Variants in ZNF440 observed in about 807,000 individuals in gnomAD.
ZNF440 encodes the protein zinc finger protein 440.
Under a neutral mutation model 49.7 loss-of-function variants are expected in ZNF440, and 47 were observed. The ratio of observed to expected loss-of-function variants is 0.95; its 90% CI spans 0.75 to 1.21. The LOEUF (loss-of-function observed/expected upper bound fraction) is 1.21, where lower values mean the gene tolerates loss of function less well. Among genes scored for constraint, ZNF440 ranks in the 50% most tolerant of loss-of-function variants. The pLI is 0.00. For synonymous variants in ZNF440, 255 were observed against 237.7 expected, an observed-to-expected ratio of 1.07 and a Z score of -0.67; for missense variants, 703 against 715.0, an observed-to-expected ratio of 0.98 and a Z score of 0.19.
At chr19:11,821,649 G>A (rs992272316) in intron 1 of ZNF440, among the ~76,000 whole-genome samples, 5 of 152,074 alleles carry the variant, frequency 3.3e-5, no homozygotes, top group Admixed American at 3.3e-4. Flanking sequence ...CAGGATGGGG[G>A]TGGAGAGATG....
intron 1 of ZNF440, among the ~76,000 whole-genome samples, chr19:11,821,776 A>C (rs1450411256): frequency 6.6e-6 from 1 of 152,204 alleles, no homozygotes; most frequent in Non-Finnish European, 1.5e-5. Context: ...TTGCAGCTTG[A>C]GTGTTTCAAA....
chr19:11,827,224 C>T (rs547518671), intron 1 of ZNF440, among the ~76,000 whole-genome samples: 11 of 151,670 alleles, frequency 7.3e-5, no homozygotes, highest in African/African-American at 2.4e-4. Context: ...CCACCAGGCC[C>T]GGCTAATTTT....
chr19:11,815,257 A>G (rs1163298626), intron 1 of ZNF440, among the ~76,000 whole-genome samples: 1 of 148,954 alleles, frequency 6.7e-6, no homozygotes, highest in African/African-American at 2.5e-5. Flanking sequence ...AGCCTGGGCA[A>G]CAGAGCGAGA....
chr19:11,814,812 A>C (rs564467360), intron 1 of ZNF440, among the ~76,000 whole-genome samples: 2 of 152,280 alleles, frequency 1.3e-5, no homozygotes, highest in South Asian at 4.1e-4. Flanking sequence ...AGCAAAGCAA[A>C]TTTATTTCTA....
At chr19:11,818,480 G>A (rs769121166) in intron 1 of ZNF440, among the ~76,000 whole-genome samples, 3 of 152,096 alleles carry the variant, frequency 2.0e-5, no homozygotes, top group Admixed American at 6.5e-5. Flanking sequence ...TTATATAGGC[G>A]AAAGGCAAAT....
chr19:11,815,970 C>A (rs2145113297), intron 1 of ZNF440: 1 of 152,304 alleles, frequency 6.6e-6, no homozygotes, highest in East Asian at 1.9e-4. Flanking sequence ...AAAAGCCAAG[C>A]TATGTAAAAT....
In ZNF440 at chr19:11,832,715, C is replaced by T. The variant is rs759971152; in HGVS notation, c.1539C>T (p.Ser513=). ...TGAAAGGACTCACACTGGAGAGAAG[C>T]CCTATAAATGCGAGCAATGTGGGAA... ...DIMKGLTLER[S]PINASNVGKP... The change falls in exon 4 of 4, where the codon AGC becomes AGT. Residue 513 remains serine, a synonymous_variant. Coordinates refer to ENST00000304060, the MANE Select transcript of ZNF440 (RefSeq NM_152357.3). The T allele has an allele frequency of 1.4e-5, 23 of 1,613,720 alleles. No individual in the cohort carries two copies. In the South Asian group the frequency reaches 2.3e-4, roughly 16 times the overall value.
At chr19:11,822,741 G>A (rs1402916923) in intron 1 of ZNF440, among the ~76,000 whole-genome samples, 1 of 151,512 alleles carries the variant, frequency 6.6e-6, no homozygotes, top group Non-Finnish European at 1.5e-5. Context: ...CAGCTACTCA[G>A]GAGGCTGAAA....
In ZNF440 at chr19:11,814,465, G is replaced by A. The variant is rs781214936; in HGVS notation, c.3+15G>A. 2.2e-5 allele frequency: 33 copies of A among 1,521,674 alleles called. No homozygotes were observed. Among genetic ancestry groups the A allele is most frequent in the East Asian group, 2.6e-5 (1 of 37,828 alleles). 94.3% of individuals were successfully genotyped at this position (1,521,674 alleles called of 1,614,324 possible). A position where few individuals can be genotyped will look rare whatever the true frequency, so the allele number is the denominator to read the frequency against. On this transcript the variant is annotated intron_variant, in intron 1 of 3. Transcript: ENST00000304060. ...GCCGAGAAATGGTGTGTGTGAGGGG[G>A]CTGGCGTCCGGGCGACTGGGAGAGG...
rs544566248 is a variant in ZNF440, at chr19:11,832,795, G to T, written c.1619G>T (p.Arg540Ile). 2 of 1,613,792 alleles carry T rather than the reference G, an allele frequency of 1.2e-6. No homozygotes were observed. The highest frequency in any genetic ancestry group is 2.7e-5 in the African/African-American group (2 of 75,004). ...FECMVGLTLK[R>I]NPMSVSNDGK... Reference sequence around the variant, plus strand: ...TGCATGGTAGGACTCACCCTGAAGAGAAACCCTATGAGTGTGAGCAATGAC... The same window carrying T: ...TGCATGGTAGGACTCACCCTGAAGATAAACCCTATGAGTGTGAGCAATGAC... The change falls in exon 4 of 4, where the codon AGA becomes ATA. Residue 540 changes from arginine to isoleucine, a missense_variant. Coordinates refer to ENST00000304060, the MANE Select transcript of ZNF440 (RefSeq NM_152357.3).
intron 1 of ZNF440, among the ~76,000 whole-genome samples, chr19:11,826,929 G>A (rs1338331013): frequency 6.6e-6 from 1 of 151,980 alleles, no homozygotes; most frequent in East Asian, 1.9e-4. Context: ...TTCCCAAAGA[G>A]CTGGATTACA....
At position 11,830,322 on chromosome 19, in the gene ZNF440, C is replaced by T; in HGVS notation, c.43C>T (p.Gln15Ter). The T allele has an allele frequency of 6.2e-7, 1 of 1,614,144 alleles. No individual in the cohort carries two copies. Among genetic ancestry groups the T allele is most frequent in the African/African-American group, 1.3e-5 (1 of 75,032 alleles). The change falls in exon 2 of 4, where the codon CAG becomes TAG. Residue 15 changes from glutamine to a stop codon, truncating the protein, a stop_gained. Transcript: ENST00000304060. LOFTEE classifies it high-confidence loss of function. Reference sequence around the variant, plus strand: ...TAAGGATGTGGCTGTGAACTTCACCCAGGAGGAGTGGGCTTTGCTGGATAT... The same window carrying T: ...TAAGGATGTGGCTGTGAACTTCACCTAGGAGGAGTGGGCTTTGCTGGATAT... ...AFKDVAVNFT[Q>*]EEWALLDISQ...
chr19:11,816,515 A>T (rs1257936318), intron 1 of ZNF440: 1 of 152,100 alleles, frequency 6.6e-6, no homozygotes, highest in Non-Finnish European at 1.5e-5. Context: ...CTAAAGGGAG[A>T]GGGTATAAGG....
Position 11,831,522 on chromosome 19 carries a change from C to T in ZNF440, c.346C>T (p.Leu116=). The part of the protein sequence containing the change: ...CESFVCGEVG[L]GNSSFNMNIR... Reference sequence around the variant, plus strand: ...AAGCTTTGTGTGTGGAGAAGTTGGCCTAGGTAACTCATCTTTTAATATGAA... The same window carrying T: ...AAGCTTTGTGTGTGGAGAAGTTGGCTTAGGTAACTCATCTTTTAATATGAA... Residue 116 remains leucine, a synonymous_variant, in exon 4 of 4, where the codon CTA becomes TTA. Transcript: ENST00000304060. 1.9e-6 allele frequency: 3 copies of T among 1,613,948 alleles called. No homozygotes were observed. Among genetic ancestry groups the T allele is most frequent in the South Asian group, 2.2e-5 (2 of 91,070 alleles).
chr19:11,832,651 C>G lies in ZNF440; in HGVS notation c.1475C>G (p.Ser492Ter), dbSNP rs1342572558. The stretch of plus-strand genomic sequence containing the variant: ...AAACTCTATGAATGCAAGCAACGTT[C>G]AGTAGTTCCTTCAGTAGTTCCAGTT... ...GEKLYECKQR[S>*]VVPSVVPVPF... is the part of the protein sequence containing the mutation. Residue 492 changes from serine (S) to a stop codon, truncating the protein, a stop_gained, in exon 4 of 4, where the codon TCA (serine) becomes TGA (stop). Transcript: ENST00000304060. LOFTEE classifies it high-confidence loss of function. The G allele has an allele frequency of 1.2e-6, 2 of 1,612,342 alleles. No homozygotes were observed. Among genetic ancestry groups the G allele is most frequent in the South Asian group, 1.1e-5 (1 of 90,954 alleles).
chr19:11,831,801 T>G lies in ZNF440; in HGVS notation c.625T>G (p.Phe209Val). 6.2e-7 allele frequency: 1 copy of G among 1,609,326 alleles called. No individual in the cohort carries two copies. Among genetic ancestry groups the G allele is most frequent in the Non-Finnish European group, 8.5e-7 (1 of 1,176,466 alleles). Reference protein sequence around the residue: ...PYKCKFCGKAFHCLRLYLIHE... With the variant: ...PYKCKFCGKAVHCLRLYLIHE... ...TAAATGTAAGTTTTGTGGGAAAGCATTCCATTGTCTCAGATTATATCTTAT... is the reference window on the plus strand; with the variant it reads ...TAAATGTAAGTTTTGTGGGAAAGCAGTCCATTGTCTCAGATTATATCTTAT... The change falls in exon 4 of 4, where the codon TTC (phenylalanine) becomes GTC (valine). Residue 209 changes from phenylalanine (F) to valine (V), a missense_variant. Phe to Val is a conservative substitution (Grantham distance 50). Coordinates refer to ENST00000304060, the MANE Select transcript of ZNF440 (RefSeq NM_152357.3).
chr19:11,829,991 A>T, intron 1 of ZNF440: 2 of 413,444 alleles, frequency 4.8e-6, no homozygotes, highest in Non-Finnish European at 8.3e-6. Context: ...GCATGGTGGC[A>T]TATGCCTGTA....
In ZNF440 at chr19:11,830,290, T is replaced by A; in HGVS notation, c.11T>A (p.Val4Glu). 1 of 1,614,142 alleles carries A rather than the reference T, an allele frequency of 6.2e-7. No individual in the cohort carries two copies. Among genetic ancestry groups the A allele is most frequent in the East Asian group, 2.2e-5 (1 of 44,876 alleles). ...ACATGTGAGATGTTTCAGGACCCAG[T>A]GGCTTTTAAGGATGTGGCTGTGAAC... MDP[V>E]AFKDVAVNFT... The change falls in exon 2 of 4, where the codon GTG becomes GAG. Residue 4 changes from valine to glutamate, a missense_variant. Transcript: ENST00000304060.
chr19:11,833,224 T>G lies in ZNF440; in HGVS notation c.*260T>G. The G allele has an allele frequency of 1.0e-6, 1 of 969,180 alleles. No homozygotes were observed. The highest frequency in any genetic ancestry group is 1.5e-6 in the Non-Finnish European group (1 of 645,276). 60.0% of individuals were successfully genotyped at this position (969,180 alleles called of 1,614,324 possible). ...TTCGATTTCATAAAAGGACACACACTGGAGAGAAACCCTGTGAATGTAAGA... is the reference window on the plus strand; with the variant it reads ...TTCGATTTCATAAAAGGACACACACGGGAGAGAAACCCTGTGAATGTAAGA... On this transcript the variant is annotated 3_prime_UTR_variant, in exon 4 of 4. Transcript: ENST00000304060.
Sources: gnomAD v4.1 joint callset for allele counts (sites outside exome capture counted in the v4.1 genomes callset) on GRCh38, gnomAD v4.1.1 for gene constraint, MANE v1.5 for transcripts, NCBI Gene and HGNC (gene_info 2026-07-23, HGNC 2026-07-21) for gene names.